The following SEC14L5 variants were observed in gnomAD, a reference collection of about 807,000 sequenced individuals.
The protein encoded by SEC14L5 is SEC14-like protein 5.
SEC14L5 carries 96 observed loss-of-function variants against 84.6 expected under a neutral mutation model. The observed-to-expected ratio is 1.13, with a 90% CI of 0.96 to 1.34. The LOEUF is 1.34. SEC14L5 is among the 40% of genes most tolerant of loss of function. SEC14L5 has a pLI of 0.00. For missense variants in SEC14L5, 1,224 were observed against 942.5 expected, an observed-to-expected ratio of 1.30 and a Z score of -3.91; for synonymous variants, 546 against 383.4, an observed-to-expected ratio of 1.42 and a Z score of -4.95.
intron 2 of SEC14L5, among the ~76,000 whole-genome samples, chr16:4,970,771 C>T (rs978014267): frequency 6.6e-6 from 1 of 152,132 alleles, no homozygotes; most frequent in Non-Finnish European, 1.5e-5. Flanking sequence ...GACACGGCTT[C>T]CCAGCCCAAA....
At position 5,018,549 on chromosome 16, in the gene SEC14L5, C is replaced by T. The variant is rs1403919441; in HGVS notation, c.*3579C>T. The T allele has an allele frequency of 2.0e-5, 3 of 152,210 alleles. No homozygotes were observed. Among genetic ancestry groups the T allele is most frequent in the Non-Finnish European group, 4.4e-5 (3 of 68,064 alleles). The allele number at this position is 152,210 out of a possible 1,614,324, so 9.4% of individuals were successfully genotyped here. A position where few individuals can be genotyped will look rare whatever the true frequency, so the allele number is the denominator to read the frequency against. ...AGGCGTGGTGGTGCGTGCCTATAGT[C>T]TCAGCTGCTCGGGAGGCTGAGGCAG... On this transcript the variant is annotated 3_prime_UTR_variant, in exon 16 of 16. Transcript: ENST00000251170.
At chr16:4,979,872 A>T (rs1955398569) in intron 2 of SEC14L5, among the ~76,000 whole-genome samples, 1 of 151,910 alleles carries the variant, frequency 6.6e-6, no homozygotes, top group East Asian at 1.9e-4. Context: ...CTCATGCCCC[A>T]CCGGCCCCAT....
chr16:5,011,301 G>C (rs1734263521), intron 15 of SEC14L5, 28 bp downstream of exon 15: 4 of 1,601,784 alleles, frequency 2.5e-6, no homozygotes, highest in Non-Finnish European at 3.4e-6. Flanking sequence ...CGGGGTCCTG[G>C]GCAGGAAGGA....
chr16:4,981,255 G>GTTT (rs58882220), intron 2 of SEC14L5, among the ~76,000 whole-genome samples: 19 of 92,936 alleles, frequency 2.0e-4, no homozygotes, highest in Non-Finnish European at 3.3e-4. Flanking sequence ...TAGCTAATTG[G>GTTT]TTTTTTTTTT....
intron 15 of SEC14L5, 126 bp from the exon 16 acceptor site, chr16:5,014,733 C>T (rs1205523452): frequency 3.6e-5 from 24 of 662,630 alleles, no homozygotes; most frequent in African/African-American, 7.2e-5. Context: ...ACTTGCTTTT[C>T]CCTTTGCATC....
At chr16:4,980,585 T>C (rs1013571204) in intron 2 of SEC14L5, among the ~76,000 whole-genome samples, 2 of 152,242 alleles carry the variant, frequency 1.3e-5, no homozygotes, top group African/African-American at 4.8e-5. Context: ...CTGGTTAGCA[T>C]TGTTAGCGCC....
At chr16:5,002,666 CA>C (rs1378098649) in intron 10 of SEC14L5, among the ~76,000 whole-genome samples, 5 of 152,080 alleles carry the variant, frequency 3.3e-5, no homozygotes, top group African/African-American at 1.2e-4. Flanking sequence ...TTTAAGCGAA[CA>C]AATCTGGGAG....
rs751286835 is a variant in SEC14L5, at chr16:5,003,508, C to G, written c.1237C>G (p.Pro413Ala). The change falls in exon 11 of 16, where the codon CCA becomes GCA. Residue 413 changes from proline to alanine, a missense_variant. By Grantham distance (27) the Pro-to-Ala change is conservative. Transcript: ENST00000251170. Reference protein sequence around the residue: ...RMIEVVEDNYPETLGRLLIVR... With the variant: ...RMIEVVEDNYAETLGRLLIVR... ...GATTGAGGTGGTTGAGGACAATTAC[C>G]CAGAGACCCTGGGTCGGCTGCTCAT... 1 of 1,613,038 alleles carries G rather than the reference C, an allele frequency of 6.2e-7. No homozygotes were observed.
At position 5,017,931 on chromosome 16, in the gene SEC14L5, T is replaced by C. The variant is rs2142545344; in HGVS notation, c.*2961T>C. On this transcript the variant is annotated 3_prime_UTR_variant, in exon 16 of 16. Coordinates refer to ENST00000251170, the MANE Select transcript of SEC14L5 (RefSeq NM_014692.2). ...CCTTGGCTTGGGCTTCTTGCATCAT[T>C]AGTTCATTAATCCATTGTGACCAGG... 1 of 152,344 alleles carries C rather than the reference T, an allele frequency of 6.6e-6. No individual in the cohort carries two copies. Among genetic ancestry groups the C allele is most frequent in the South Asian group, 2.1e-4 (1 of 4,824 alleles). 9.4% of individuals were successfully genotyped at this position (152,344 alleles called of 1,614,324 possible). A position where few individuals can be genotyped will look rare whatever the true frequency, so the allele number is the denominator to read the frequency against.
In SEC14L5 at chr16:5,017,221, A is replaced by T. The variant is rs541029840; in HGVS notation, c.*2251A>T. ...GTCTGCTATCAGCTGTCCACCCTTAACAGTGGGGGTGAGGAACCTCAGGCC... is the reference window on the plus strand; with the variant it reads ...GTCTGCTATCAGCTGTCCACCCTTATCAGTGGGGGTGAGGAACCTCAGGCC... On this transcript the variant is annotated 3_prime_UTR_variant, in exon 16 of 16. Coordinates refer to ENST00000251170, the MANE Select transcript of SEC14L5 (RefSeq NM_014692.2). 91 of 152,276 alleles carry T rather than the reference A, an allele frequency of 6.0e-4. No individual in the cohort carries two copies. Among genetic ancestry groups the T allele is most frequent in the African/African-American group, 2.0e-3 (85 of 41,542 alleles). The allele number at this position is 152,276 out of a possible 1,614,324, so 9.4% of individuals were successfully genotyped here.
At chr16:4,961,037 C>T (rs374843775) in intron 2 of SEC14L5, among the ~76,000 whole-genome samples, 1 of 151,990 alleles carries the variant, frequency 6.6e-6, no homozygotes. Context: ...TTTGGGAGGC[C>T]GAGGTGGGTG....
At chr16:4,961,296 CA>C (rs1245268280) in intron 2 of SEC14L5, among the ~76,000 whole-genome samples, 1 of 140,598 alleles carries the variant, frequency 7.1e-6, no homozygotes, top group African/African-American at 2.5e-5. Context: ...GCAACAACAA[CA>C]ACAACAAAGT....
chr16:5,003,397 C>T lies in SEC14L5; in HGVS notation c.1131-5C>T. 1 of 1,611,158 alleles carries T rather than the reference C, an allele frequency of 6.2e-7. No homozygotes were observed. The highest frequency in any genetic ancestry group is 8.5e-7 in the Non-Finnish European group (1 of 1,179,120). On this transcript the variant is annotated splice_region_variant and splice_polypyrimidine_tract_variant and intron_variant, in intron 10 of 15. Transcript: ENST00000251170. Reference sequence around the variant, plus strand: ...CAGGTGGAGCTGGGGCTATTTCTGCCACAGCTCCTGGACCTGCCTGCTAGA... The same window carrying T: ...CAGGTGGAGCTGGGGCTATTTCTGCTACAGCTCCTGGACCTGCCTGCTAGA...
At chr16:4,972,427 A>G (rs1361712942) in intron 2 of SEC14L5, among the ~76,000 whole-genome samples, 1 of 152,194 alleles carries the variant, frequency 6.6e-6, no homozygotes, top group Non-Finnish European at 1.5e-5. Flanking sequence ...TCCACTGTCC[A>G]TCTCCAGAAC....
At position 5,014,454 on chromosome 16, in the gene SEC14L5, G is replaced by C. The variant is rs113628671; in HGVS notation, c.1980-405G>C. ...TGGAGTAGGAGTTAACCAGACAGCT[G>C]GGGGAGGAGAGAATGGGCTTCTGCC... is the stretch of plus-strand genomic sequence containing the variant. On this transcript the variant is annotated intron_variant, in intron 15 of 15. Coordinates refer to ENST00000251170, the MANE Select transcript of SEC14L5 (RefSeq NM_014692.2). Among the ~76,000 whole-genome samples the C allele has an allele frequency of 8.0e-3, 1,224 of 152,346 alleles. 10 individuals carry two copies. Among genetic ancestry groups the C allele is most frequent in the African/African-American group, 0.028 (1,145 of 41,580 alleles).
intron 12 of SEC14L5, among the ~76,000 whole-genome samples, chr16:5,006,545 G>T (rs1490281330): frequency 6.6e-6 from 1 of 152,176 alleles, no homozygotes; most frequent in African/African-American, 2.4e-5. Flanking sequence ...CTCCCCTGGG[G>T]TGAAATGACA....
chr16:5,007,258 A>T, intron 12 of SEC14L5, 94 bp from the exon 13 acceptor site: 1 of 1,186,990 alleles, frequency 8.4e-7, no homozygotes, highest in Non-Finnish European at 1.2e-6. Context: ...TGCAATTATG[A>T]GTGGCTTTGG....
chr16:4,976,958 T>G (rs1294261565), intron 2 of SEC14L5, among the ~76,000 whole-genome samples: 1 of 152,154 alleles, frequency 6.6e-6, no homozygotes, highest in Non-Finnish European at 1.5e-5. Context: ...TGAGCTGGTT[T>G]CCAACACAGA....
intron 11 of SEC14L5, among the ~76,000 whole-genome samples, chr16:5,004,183 A>T (rs971751585): frequency 1.3e-5 from 2 of 152,154 alleles, no homozygotes; most frequent in Admixed American, 6.5e-5. Context: ...TACAGGGGCA[A>T]TAGGGACCCA....
Sources: gnomAD v4.1 joint callset for allele counts (sites outside exome capture counted in the v4.1 genomes callset) on GRCh38, gnomAD v4.1.1 for gene constraint, MANE v1.5 for transcripts, NCBI Gene and HGNC (gene_info 2026-07-23, HGNC 2026-07-21) for gene names.